Variants in NEUROD4 observed in about 807,000 individuals in gnomAD.
NEUROD4 encodes neurogenic differentiation factor 4.
Under a neutral mutation model 19.8 loss-of-function variants are expected in NEUROD4, and 16 were observed. That is an observed-to-expected ratio of 0.81 (90% CI 0.55 to 1.23). The LOEUF is 1.23. Among genes scored for constraint, NEUROD4 ranks in the 50% most tolerant of loss-of-function variants. The probability of loss-of-function intolerance (pLI) is 0.00; values close to 1 mark genes in which losing one functional copy is unlikely to be tolerated. For synonymous variants in NEUROD4, 153 were observed against 147.9 expected, an observed-to-expected ratio of 1.03 and a Z score of -0.25; for missense variants, 439 against 398.6, an observed-to-expected ratio of 1.10 and a Z score of -0.86.
chr12:55,021,022 A>AT (rs976709804), intron 1 of NEUROD4, among the ~76,000 whole-genome samples: 1 of 152,068 alleles, frequency 6.6e-6, no homozygotes, highest in Non-Finnish European at 1.5e-5. Context: ...ACCCACCCCC[A>AT]TTTTTTTGAC....
rs751026910 is a variant in NEUROD4, at chr12:55,027,181, C to CTTATATGTA, written c.742_743insTTATATGTA (p.Pro248delinsLeuIleCysThr). On this transcript the variant is annotated protein_altering_variant, in exon 2 of 2. Transcript: ENST00000242994. Reference sequence around the variant, plus strand: ...CCATCTGCCTGACTGCAGTACACCCCCTTATGAGGGCCCACTCACTCCACC... The same window carrying CTTATATGTA: ...CCATCTGCCTGACTGCAGTACACCCCTTATATGTACTTATGAGGGCCCACTCACTCCACC... 23 of 1,614,026 alleles carry CTTATATGTA rather than the reference C, an allele frequency of 1.4e-5. No homozygotes were observed. Among genetic ancestry groups the CTTATATGTA allele is most frequent in the Non-Finnish European group, 1.9e-5 (22 of 1,180,012 alleles).
chr12:55,021,121 G>A (rs1416825974), intron 1 of NEUROD4, among the ~76,000 whole-genome samples: 1 of 152,182 alleles, frequency 6.6e-6, no homozygotes, highest in Non-Finnish European at 1.5e-5. Context: ...CTGAGGCAAT[G>A]GCACCTGAAG....
chr12:55,021,127 TG>T (rs1429879825), intron 1 of NEUROD4, among the ~76,000 whole-genome samples: 4 of 152,222 alleles, frequency 2.6e-5, no homozygotes, highest in African/African-American at 9.6e-5. Context: ...CAATGGCACC[TG>T]AAGTATTACA....
chr12:55,020,853 A>G (rs1283570003), intron 1 of NEUROD4, among the ~76,000 whole-genome samples: 1 of 152,192 alleles, frequency 6.6e-6, no homozygotes, highest in Admixed American at 6.5e-5. Context: ...ATGCTTGAAT[A>G]GTTGGCACAG....
At position 55,027,463 on chromosome 12, in the gene NEUROD4, T is replaced by C; in HGVS notation, c.*28T>C. 6.4e-7 allele frequency: 1 copy of C among 1,558,646 alleles called. No homozygotes were observed. The highest frequency in any genetic ancestry group is 2.2e-5 in the East Asian group (1 of 44,470). On this transcript the variant is annotated 3_prime_UTR_variant, in exon 2 of 2. Transcript: ENST00000242994. The stretch of plus-strand genomic sequence containing the variant: ...CAGTTAAGTTCAATGTTTCAGAGAA[T>C]GACGTGGAGACATTTTCCATAATTC...
At chr12:55,026,113 T>C (rs1001786091) in intron 1 of NEUROD4, among the ~76,000 whole-genome samples, 4 of 152,206 alleles carry the variant, frequency 2.6e-5, no homozygotes, top group Admixed American at 2.0e-4. Context: ...TTTTATGTTC[T>C]GGATTCTGGA....
intron 1 of NEUROD4, among the ~76,000 whole-genome samples, chr12:55,021,530 TA>T (rs1427015895): frequency 1.3e-5 from 2 of 152,130 alleles, no homozygotes; most frequent in African/African-American, 4.8e-5. Flanking sequence ...CCACAATAAA[TA>T]AAAAATTTGT....
intron 1 of NEUROD4, among the ~76,000 whole-genome samples, chr12:55,024,223 C>T (rs1217823848): frequency 6.6e-6 from 1 of 152,132 alleles, no homozygotes; most frequent in Non-Finnish European, 1.5e-5. Flanking sequence ...TGTACATCTC[C>T]TGAAGCCAAA....
At position 55,029,834 on chromosome 12, in the gene NEUROD4, A is replaced by G. The variant is rs1952772356; in HGVS notation, c.*2399A>G. On this transcript the variant is annotated 3_prime_UTR_variant, in exon 2 of 2. Coordinates refer to ENST00000242994, the MANE Select transcript of NEUROD4 (RefSeq NM_021191.3). The stretch of plus-strand genomic sequence containing the variant: ...CCCTGAAATTGTACAGAGGGATTTT[A>G]TAATTGAATTAAAATTTAGGAATGC... The G allele has an allele frequency of 6.0e-6, 1 of 167,104 alleles. No homozygotes were observed. The highest frequency in any genetic ancestry group is 2.4e-5 in the African/African-American group (1 of 41,466). 10.4% of individuals were successfully genotyped at this position (167,104 alleles called of 1,614,324 possible).
In NEUROD4 at chr12:55,026,547, C is replaced by T. The variant is rs768847510; in HGVS notation, c.108C>T (p.Ser36=). 1.2e-6 allele frequency: 2 copies of T among 1,613,940 alleles called. No homozygotes were observed. Among genetic ancestry groups the T allele is most frequent in the Non-Finnish European group, 1.7e-6 (2 of 1,179,940 alleles). ...AAAATGAGGTGAAGGAGGAAGAGAG[C>T]AGACCAGGTACTTATGGGATGCTCA... is the stretch of plus-strand genomic sequence containing the variant. The part of the protein sequence containing the change: ...GSQNEVKEEE[S]RPGTYGMLSS... The change falls in exon 2 of 2, where the codon AGC becomes AGT. Residue 36 remains serine (S), a synonymous_variant. Coordinates refer to ENST00000242994, the MANE Select transcript of NEUROD4 (RefSeq NM_021191.3).
rs1952667148 is a variant in NEUROD4, at chr12:55,020,386, T to C, written c.-10+73T>C. 5 of 152,278 alleles carry C rather than the reference T, an allele frequency of 3.3e-5. No individual in the cohort carries two copies. In the South Asian group the frequency reaches 1.0e-3, roughly 32 times the overall value. 9.4% of individuals were successfully genotyped at this position (152,278 alleles called of 1,614,324 possible). A position where few individuals can be genotyped will look rare whatever the true frequency, so the allele number is the denominator to read the frequency against. On this transcript the variant is annotated intron_variant, in intron 1 of 1. Coordinates refer to ENST00000242994, the MANE Select transcript of NEUROD4 (RefSeq NM_021191.3). ...GTTCCCACTCACCTAGAGGAGCAGT[T>C]GGGGTGAGGAAAGTCTCTTCTGGGT...
At chr12:55,023,421 G>A (rs1488858342) in intron 1 of NEUROD4, among the ~76,000 whole-genome samples, 1 of 152,002 alleles carries the variant, frequency 6.6e-6, no homozygotes, top group Non-Finnish European at 1.5e-5. Context: ...ATGTATAGAT[G>A]TTTTATAGCA....
At chr12:55,024,496 T>TAC (rs1952703840) in intron 1 of NEUROD4, among the ~76,000 whole-genome samples, 1 of 152,188 alleles carries the variant, frequency 6.6e-6, no homozygotes, top group Non-Finnish European at 1.5e-5. Context: ...TTTAAAATGC[T>TAC]ACACAAATGT....
At chr12:55,022,993 T>C (rs1279699590) in intron 1 of NEUROD4, among the ~76,000 whole-genome samples, 1 of 152,166 alleles carries the variant, frequency 6.6e-6, no homozygotes, top group African/African-American at 2.4e-5. Flanking sequence ...ATGAAATTCA[T>C]GTTGTATGAC....
At chr12:55,020,349 T>C (rs184518950) in intron 1 of NEUROD4, 36 bp downstream of exon 1, 2 of 152,266 alleles carry the variant, frequency 1.3e-5, no homozygotes, top group Non-Finnish European at 2.9e-5. Context: ...GGGGCTAAAG[T>C]TTCTGTGGGA....
intron 1 of NEUROD4, among the ~76,000 whole-genome samples, chr12:55,024,318 T>C (rs562824028): frequency 6.6e-6 from 1 of 152,232 alleles, no homozygotes; most frequent in East Asian, 1.9e-4. Context: ...ATAAGAAGAA[T>C]TAATTTTATG....
chr12:55,023,673 C>A (rs1440962854), intron 1 of NEUROD4, among the ~76,000 whole-genome samples: 1 of 152,154 alleles, frequency 6.6e-6, no homozygotes, highest in Non-Finnish European at 1.5e-5. Flanking sequence ...TGGACCGGCA[C>A]CTGTGAGAAC....
At position 55,020,088 on chromosome 12, in the gene NEUROD4, C is replaced by A. The variant is rs781630002; in HGVS notation, c.-235C>A. 1.3e-5 allele frequency: 2 copies of A among 152,272 alleles called. No homozygotes were observed. The highest frequency in any genetic ancestry group is 2.9e-5 in the Non-Finnish European group (2 of 68,128). 9.4% of individuals were successfully genotyped at this position (152,272 alleles called of 1,614,324 possible). On this transcript the variant is annotated 5_prime_UTR_variant, in exon 1 of 2. Coordinates refer to ENST00000242994, the MANE Select transcript of NEUROD4 (RefSeq NM_021191.3). ...ACTGGCTGCAGCGGAGAGATCAGCC[C>A]GAAGGCGTCCTTGAGGAGCATACGG...
rs1173563630 is a variant in NEUROD4 at position 55,027,727 on chromosome 12, A to G, written c.*292A>G. On this transcript the variant is annotated 3_prime_UTR_variant, in exon 2 of 2. Coordinates refer to ENST00000242994, the MANE Select transcript of NEUROD4 (RefSeq NM_021191.3). Reference sequence around the variant, plus strand: ...AGTGGTGCCAAAAACTCATTGCATAATCTGTGCCAATTAATTTTCCATTTC... The same window carrying G: ...AGTGGTGCCAAAAACTCATTGCATAGTCTGTGCCAATTAATTTTCCATTTC... The G allele has an allele frequency of 6.3e-6, 2 of 319,320 alleles. No homozygotes were observed. The highest frequency in any genetic ancestry group is 1.2e-5 in the Non-Finnish European group (2 of 166,148). 19.8% of individuals were successfully genotyped at this position (319,320 alleles called of 1,614,324 possible). A position where few individuals can be genotyped will look rare whatever the true frequency, so the allele number is the denominator to read the frequency against.
Sources: allele counts gnomAD v4.1 joint callset (sites outside exome capture counted in the v4.1 genomes callset), GRCh38; gene constraint gnomAD v4.1.1; transcripts MANE v1.5; gene names NCBI Gene and HGNC (gene_info 2026-07-23, HGNC 2026-07-21).